Variants in WDR37 observed in about 807,000 individuals in gnomAD.
The protein encoded by WDR37 is WD repeat-containing protein 37.
In WDR37, 19 loss-of-function variants were observed where a neutral mutation model predicts 62.9. The ratio of observed to expected loss-of-function variants is 0.30; its 90% CI spans 0.21 to 0.44. The LOEUF (loss-of-function observed/expected upper bound fraction) is 0.44. Ranked by LOEUF, WDR37 falls within the 20% of genes least tolerant of loss-of-function variation. The pLI is 1.00. For synonymous variants in WDR37, 250 were observed against 260.9 expected (o/e 0.96, Z 0.40); for missense variants, 474 against 657.6 (o/e 0.72, Z 3.05).
At chr10:1,096,330 G>A in intron 9 of WDR37, 84 bp downstream of exon 9, 2 of 1,469,338 alleles carry the variant, frequency 1.4e-6, no homozygotes, top group South Asian at 1.1e-5. Context: ...TGTCATGGAC[G>A]GAATGTTTGT....
Position 1,129,663 on chromosome 10 carries a change from G to C in WDR37, c.*319G>C. The C allele has an allele frequency of 4.6e-6, 1 of 216,406 alleles. No individual in the cohort carries two copies. Among genetic ancestry groups the C allele is most frequent in the Non-Finnish European group, 9.3e-6 (1 of 107,738 alleles). 13.4% of individuals were successfully genotyped at this position (216,406 alleles called of 1,614,324 possible). A position where few individuals can be genotyped will look rare whatever the true frequency, so the allele number is the denominator to read the frequency against. On this transcript the variant is annotated 3_prime_UTR_variant, in exon 14 of 14. Transcript: ENST00000263150. ...GAACAGTAGGGCATTACATTTGTGT[G>C]AATTAAATGTGAACTTCTGTATTAC...
intron 3 of WDR37, among the ~76,000 whole-genome samples, chr10:1,079,774 C>G (rs1160615485): frequency 6.6e-6 from 1 of 152,162 alleles, no homozygotes; most frequent in African/African-American, 2.4e-5. Flanking sequence ...ATCCACCTGC[C>G]TTGGCCTCCC....
intron 11 of WDR37, among the ~76,000 whole-genome samples, chr10:1,119,954 G>A (rs1835525539): frequency 6.6e-6 from 1 of 152,160 alleles, no homozygotes; most frequent in African/African-American, 2.4e-5. Context: ...CTTCTCCAGG[G>A]AACAGTTGAA....
intron 6 of WDR37, 88 bp from the exon 7 acceptor site, chr10:1,086,198 A>G (rs1362311271): frequency 2.7e-6 from 3 of 1,091,400 alleles, no homozygotes; most frequent in Non-Finnish European, 2.8e-6. Flanking sequence ...GTAATTTCCC[A>G]TTTTTAGAGT....
At chr10:1,101,384 G>T (rs1834796500) in intron 9 of WDR37, among the ~76,000 whole-genome samples, 1 of 152,160 alleles carries the variant, frequency 6.6e-6, no homozygotes. Context: ...ATCCCTCTGG[G>T]AGTGTCTGTG....
intron 11 of WDR37, 59 bp from the exon 12 acceptor site, chr10:1,124,159 G>C (rs1835669487): frequency 6.2e-7 from 1 of 1,605,998 alleles, no homozygotes; most frequent in Non-Finnish European, 8.5e-7. Context: ...TTGTGTGTGG[G>C]GTGTGGTGTC....
chr10:1,093,372 A>G lies in WDR37; in HGVS notation c.605-80A>G, dbSNP rs1834464956. 7 of 1,125,408 alleles carry G rather than the reference A, an allele frequency of 6.2e-6. No individual in the cohort carries two copies. In the Admixed American group the frequency reaches 1.6e-4, roughly 26 times the overall value. 69.7% of individuals were successfully genotyped at this position (1,125,408 alleles called of 1,614,324 possible). ...ATAGTTCTTTTAATGTTGACTTTGA[A>G]ATACACGCTATAGCTAATAAATGTT... is the stretch of plus-strand genomic sequence containing the variant. On this transcript the variant is annotated intron_variant, in intron 7 of 13. Transcript: ENST00000263150.
intron 1 of WDR37, among the ~76,000 whole-genome samples, chr10:1,062,347 C>T (rs767401807): frequency 4.1e-4 from 62 of 152,104 alleles, no homozygotes; most frequent in Non-Finnish European, 7.9e-4. Context: ...AATCAGTGAT[C>T]CAAAACTTAT....
intron 1 of WDR37, among the ~76,000 whole-genome samples, chr10:1,057,647 A>G (rs1589067161): frequency 6.6e-6 from 1 of 152,244 alleles, no homozygotes; most frequent in Non-Finnish European, 1.5e-5. Context: ...CACAAGAGCA[A>G]CAATAATAAT....
At chr10:1,063,432 C>G (rs1833433613) in intron 1 of WDR37, among the ~76,000 whole-genome samples, 1 of 152,040 alleles carries the variant, frequency 6.6e-6, no homozygotes, top group Non-Finnish European at 1.5e-5. Context: ...GTACTTTCCT[C>G]CAGCTAAATA....
chr10:1,096,342 TCC>T, intron 9 of WDR37, 96 bp downstream of exon 9: 1 of 1,399,408 alleles, frequency 7.1e-7, no homozygotes, highest in Non-Finnish European at 1.0e-6. Context: ...AATGTTTGTG[TCC>T]CCCCAAGTTC....
At chr10:1,067,010 C>G (rs891249464) in intron 1 of WDR37, among the ~76,000 whole-genome samples, 1 of 152,200 alleles carries the variant, frequency 6.6e-6, no homozygotes. Flanking sequence ...CACTGGGTCC[C>G]TCCCACAACA....
chr10:1,084,600 T>C (rs1383202304), intron 6 of WDR37, 62 bp downstream of exon 6: 2 of 1,583,686 alleles, frequency 1.3e-6, no homozygotes, highest in African/African-American at 1.3e-5. Context: ...CCCTGAGTGA[T>C]GGACATTCAC....
chr10:1,097,138 G>A (rs1344645438), intron 9 of WDR37, among the ~76,000 whole-genome samples: 4 of 152,310 alleles, frequency 2.6e-5, no homozygotes, highest in Non-Finnish European at 2.9e-5. Flanking sequence ...GAGATACTCC[G>A]AAAGAGTTGT....
At chr10:1,107,347 GA>G (rs1835057973) in intron 11 of WDR37, among the ~76,000 whole-genome samples, 1 of 152,248 alleles carries the variant, frequency 6.6e-6, no homozygotes, top group Non-Finnish European at 1.5e-5. Context: ...TGTTTCTCAT[GA>G]GAATTCATTG....
rs7093058 is a variant in WDR37 at position 1,112,221 on chromosome 10, A to G, written c.1103+6954A>G. On this transcript the variant is annotated intron_variant, in intron 11 of 13. Coordinates refer to ENST00000263150, the MANE Select transcript of WDR37 (RefSeq NM_014023.4). ...CTCTCACATTTTGGTCATTCTCACA[A>G]TACTTCTTACTTTTTCATTGTGATT... is the stretch of plus-strand genomic sequence containing the variant. 6.7e-3 allele frequency among the ~76,000 whole-genome samples: 1,024 copies of G among 152,232 alleles called. 15 individuals are homozygous for G. Among genetic ancestry groups the G allele is most frequent in the African/African-American group, 0.023 (974 of 41,524 alleles).
At chr10:1,099,240 T>A (rs1336304398) in intron 9 of WDR37, among the ~76,000 whole-genome samples, 1 of 152,202 alleles carries the variant, frequency 6.6e-6, no homozygotes, top group Non-Finnish European at 1.5e-5. Flanking sequence ...CTAGTTTCAA[T>A]GACAGGATAA....
intron 1 of WDR37, among the ~76,000 whole-genome samples, chr10:1,063,408 C>A (rs1448976350): frequency 6.6e-6 from 1 of 151,536 alleles, no homozygotes; most frequent in Non-Finnish European, 1.5e-5. Context: ...AATCAGAGAA[C>A]TTTTCGGCGG....
chr10:1,123,175 T>A (rs1835640529), intron 11 of WDR37, among the ~76,000 whole-genome samples: 2 of 152,208 alleles, frequency 1.3e-5, no homozygotes, highest in African/African-American at 4.8e-5. Flanking sequence ...CTATTAATTA[T>A]TATTTTGGAT....
Sources: gnomAD v4.1 joint callset for allele counts (sites outside exome capture counted in the v4.1 genomes callset) on GRCh38, gnomAD v4.1.1 for gene constraint, MANE v1.5 for transcripts, NCBI Gene and HGNC (gene_info 2026-07-23, HGNC 2026-07-21) for gene names.